The following GABRG3 variants were observed in gnomAD, a reference collection of about 807,000 sequenced individuals.
GABRG3 encodes gamma-aminobutyric acid type A receptor subunit gamma3, also known as gamma-aminobutyric acid receptor subunit gamma-3.
GABRG3 carries 25 observed loss-of-function variants against 48.8 expected under a neutral mutation model. The ratio of observed to expected loss-of-function variants is 0.51; its 90% CI spans 0.37 to 0.72. The LOEUF is 0.72. Ranked by LOEUF, GABRG3 falls within the 30% of genes least tolerant of loss-of-function variation. The pLI is 0.00. For missense variants in GABRG3, 394 were observed against 577.9 expected, an observed-to-expected ratio of 0.68 and a Z score of 3.26; for synonymous variants, 227 against 217.6, an observed-to-expected ratio of 1.04 and a Z score of -0.38.
chr15:27,480,466 G>T (rs1165552874), intron 5 of GABRG3, among the ~76,000 whole-genome samples, 184 bp from the exon 6 acceptor site: 2 of 152,188 alleles, frequency 1.3e-5, no homozygotes, highest in African/African-American at 4.8e-5. Flanking sequence ...TCTACAGCTG[G>T]ATTAGGTGGC....
Position 27,001,888 on chromosome 15 carries a change from GT to G in GABRG3, c.202+24753del, listed in dbSNP as rs60516105. Reference sequence around the variant, plus strand: ...CTTGAAGAGAGGTTCCCATAACTCAGTTTTTTTTTTTTTTTAAGATATGGTC... The same window carrying G: ...CTTGAAGAGAGGTTCCCATAACTCAGTTTTTTTTTTTTTTAAGATATGGTC... On this transcript the variant is annotated intron_variant, in intron 2 of 9. Coordinates refer to ENST00000615808, the MANE Select transcript of GABRG3 (RefSeq NM_033223.5). Among the ~76,000 whole-genome samples, 219 of 121,160 alleles carry G rather than the reference GT, an allele frequency of 1.8e-3. 2 individuals are homozygous for G. The highest frequency in any genetic ancestry group is 3.7e-3 in the South Asian group (13 of 3,552). The allele number at this position is 121,160 out of a possible 152,430, so 79.5% of individuals were successfully genotyped here.
At chr15:27,456,375 G>A (rs773740839) in intron 5 of GABRG3, among the ~76,000 whole-genome samples, 58 of 152,174 alleles carry the variant, frequency 3.8e-4, no homozygotes, top group Non-Finnish European at 1.5e-4. Flanking sequence ...CCCAAGAGTC[G>A]CTGAGTGACC....
At chr15:27,271,146 C>T (rs1484170666) in intron 3 of GABRG3, among the ~76,000 whole-genome samples, 1 of 152,190 alleles carries the variant, frequency 6.6e-6, no homozygotes, top group African/African-American at 2.4e-5. Context: ...CCTCTGTCCT[C>T]CCATGCCAGG....
chr15:27,448,936 C>T (rs1889026088), intron 5 of GABRG3, among the ~76,000 whole-genome samples: 1 of 152,114 alleles, frequency 6.6e-6, no homozygotes, highest in Admixed American at 6.5e-5. Flanking sequence ...CAGGCAGACT[C>T]AGGAAACAGC....
intron 3 of GABRG3, among the ~76,000 whole-genome samples, chr15:27,161,640 T>G (rs1214248202): frequency 1.3e-5 from 2 of 152,310 alleles, no homozygotes; most frequent in East Asian, 3.9e-4. Context: ...TTCTTAAAAT[T>G]TGAATACTTT....
intron 2 of GABRG3, among the ~76,000 whole-genome samples, chr15:26,984,268 G>A (rs541593147): frequency 1.8e-4 from 27 of 151,924 alleles, no homozygotes; most frequent in Non-Finnish European, 3.2e-4. Context: ...AACTATAGAG[G>A]CATCCATGTA....
intron 2 of GABRG3, among the ~76,000 whole-genome samples, chr15:26,993,824 C>A (rs903568360): frequency 6.6e-6 from 1 of 151,774 alleles, no homozygotes; most frequent in African/African-American, 2.4e-5. Context: ...TATTATTGTG[C>A]TATTGTCTGT....
intron 3 of GABRG3, among the ~76,000 whole-genome samples, chr15:27,101,256 C>T (rs1341268537): frequency 1.3e-5 from 2 of 152,042 alleles, no homozygotes; most frequent in Admixed American, 1.3e-4. Context: ...CAAACAGGTA[C>T]AGAATCTATT....
intron 3 of GABRG3, among the ~76,000 whole-genome samples, chr15:27,123,718 C>A (rs1315935847): frequency 6.6e-6 from 1 of 152,142 alleles, no homozygotes; most frequent in African/African-American, 2.4e-5. Flanking sequence ...AAAAATGACT[C>A]CCATTCCAGC....
intron 3 of GABRG3, among the ~76,000 whole-genome samples, chr15:27,087,237 G>A (rs1443479591): frequency 6.6e-6 from 1 of 152,190 alleles, no homozygotes; most frequent in African/African-American, 2.4e-5. Flanking sequence ...GCATGTCTAT[G>A]CCATGCCAGG....
chr15:27,525,201 C>G (rs1891245830), intron 7 of GABRG3, among the ~76,000 whole-genome samples: 1 of 150,416 alleles, frequency 6.6e-6, no homozygotes, highest in Non-Finnish European at 1.5e-5. Context: ...AAGCCAATAT[C>G]AAAATGTGTT....
At chr15:27,305,560 A>C (rs951992818) in intron 3 of GABRG3, among the ~76,000 whole-genome samples, 68 of 144,802 alleles carry the variant, frequency 4.7e-4, no homozygotes, top group African/African-American at 1.6e-3. Context: ...CATAATATAA[A>C]CCTACGTGTT....
chr15:27,114,792 G>GT (rs1390020429), intron 3 of GABRG3, among the ~76,000 whole-genome samples: 1 of 151,582 alleles, frequency 6.6e-6, no homozygotes, highest in East Asian at 1.9e-4. Flanking sequence ...ACCCAAAGGA[G>GT]TTATCATTCT....
chr15:27,400,021 TTTA>T (rs1294093129), intron 5 of GABRG3, among the ~76,000 whole-genome samples: 1 of 152,228 alleles, frequency 6.6e-6, no homozygotes, highest in African/African-American at 2.4e-5. Flanking sequence ...TATTTTAGTT[TTTA>T]TTCTCTATTT....
intron 3 of GABRG3, among the ~76,000 whole-genome samples, chr15:27,135,354 C>T (rs1191292079): frequency 6.6e-6 from 1 of 152,136 alleles, no homozygotes; most frequent in Non-Finnish European, 1.5e-5. Flanking sequence ...CATATGAGGG[C>T]TAATTTCCTA....
intron 3 of GABRG3, among the ~76,000 whole-genome samples, chr15:27,118,602 A>G (rs1246849389): frequency 1.3e-5 from 2 of 152,196 alleles, no homozygotes; most frequent in Non-Finnish European, 2.9e-5. Context: ...TTGTCTTACC[A>G]TGTAGACCAC....
chr15:27,193,043 C>G (rs1888376209), intron 3 of GABRG3, among the ~76,000 whole-genome samples: 1 of 152,168 alleles, frequency 6.6e-6, no homozygotes, highest in African/African-American at 2.4e-5. Context: ...TTTTCGTGAA[C>G]CGCGAATGCT....
rs1891312759 is a variant in GABRG3 at position 27,527,630 on chromosome 15, G to A, written c.1062+1G>A. 6.2e-7 allele frequency: 1 copy of A among 1,601,228 alleles called. No homozygotes were observed. The highest frequency in any genetic ancestry group is 8.5e-7 in the Non-Finnish European group (1 of 1,173,236). ...AACCACCACGAAGAAGACAACATCG[G>A]TGAGCTGCAGTAGCAAAGGTTCTCC... On this transcript the variant is annotated splice_donor_variant, in intron 8 of 9. Coordinates refer to ENST00000615808, the MANE Select transcript of GABRG3 (RefSeq NM_033223.5). LOFTEE classifies it high-confidence loss of function.
chr15:27,237,944 A>G (rs1325285129), intron 3 of GABRG3, among the ~76,000 whole-genome samples: 2 of 152,226 alleles, frequency 1.3e-5, no homozygotes, highest in Admixed American at 1.3e-4. Flanking sequence ...TAGACTCTGC[A>G]TGCCCTCTTG....
Sources: allele counts gnomAD v4.1 joint callset (sites outside exome capture counted in the v4.1 genomes callset), GRCh38; gene constraint gnomAD v4.1.1; transcripts MANE v1.5; gene names NCBI Gene and HGNC (gene_info 2026-07-23, HGNC 2026-07-21).